CEP63: variants seen among roughly 807,000 people sequenced by gnomAD.
CEP63 encodes centrosomal protein 63, also known as centrosomal protein of 63 kDa.
A neutral mutation model predicts 89.1 loss-of-function variants in CEP63; 84 were observed. The ratio of observed to expected loss-of-function variants is 0.94; its 90% CI spans 0.79 to 1.13. The LOEUF (loss-of-function observed/expected upper bound fraction) is 1.13. CEP63 is among the 50% of genes most tolerant of loss of function. The pLI, the probability that CEP63 is intolerant of heterozygous loss-of-function variation, is 0.00. For missense variants in CEP63, 838 were observed against 813.3 expected (o/e 1.03, Z -0.37); for synonymous variants, 267 against 272.5 (o/e 0.98, Z 0.20).
At chr3:134,629,158 AC>A in the CEP63 span, among the ~76,000 whole-genome samples, 1 of 152,204 alleles carries the variant, frequency 6.6e-6, no homozygotes, top group Non-Finnish European at 1.5e-5. Context: ...TCAGAGTCAT[AC>A]CTGGGTTCTG....
the CEP63 span, among the ~76,000 whole-genome samples, chr3:134,676,593 G>A: frequency 1.3e-5 from 2 of 152,296 alleles, no homozygotes; most frequent in Middle Eastern, 3.4e-3. Flanking sequence ...TATGTGAACC[G>A]CATCTCAATT....
At chr3:134,518,543 G>A (rs1697476838) in intron 3 of CEP63, among the ~76,000 whole-genome samples, 1 of 152,138 alleles carries the variant, frequency 6.6e-6, no homozygotes, top group Admixed American at 6.5e-5. Context: ...AATAACCCAT[G>A]AATCAAAAGA....
At chr3:134,531,979 C>A in intron 4 of CEP63, 39 bp downstream of exon 4, 1 of 1,404,814 alleles carries the variant, frequency 7.1e-7, no homozygotes, top group South Asian at 1.2e-5. Flanking sequence ...GTGTGTAGTT[C>A]TCTCTCTTTC....
chr3:134,565,297 G>A (rs1394287604), downstream of CEP63, among the ~76,000 whole-genome samples: 1 of 152,124 alleles, frequency 6.6e-6, no homozygotes, highest in Non-Finnish European at 1.5e-5. Context: ...ATCTCAACAA[G>A]TGTAGAAAAA....
chr3:134,490,689 C>T (rs377105083), intron 1 of CEP63, among the ~76,000 whole-genome samples: 12 of 92,600 alleles, frequency 1.3e-4, no homozygotes, highest in African/African-American at 4.4e-4. Context: ...GCTTTCATCT[C>T]TGTTTCTTCC....
At chr3:134,565,904 C>A (rs969530438), downstream of CEP63, among the ~76,000 whole-genome samples, 10 of 152,084 alleles carry the variant, frequency 6.6e-5, no homozygotes, top group Non-Finnish European at 1.0e-4. Flanking sequence ...TAATAATAAT[C>A]TGCACAGCTC....
chr3:134,699,508 G>A, the CEP63 span, among the ~76,000 whole-genome samples: 1 of 152,232 alleles, frequency 6.6e-6, no homozygotes, highest in Non-Finnish European at 1.5e-5. Flanking sequence ...GTCAGGAGAG[G>A]CAGGGCTGAA....
chr3:134,679,777 C>A, the CEP63 span, among the ~76,000 whole-genome samples: 2 of 152,194 alleles, frequency 1.3e-5, no homozygotes, highest in Non-Finnish European at 2.9e-5. Flanking sequence ...GGCTGGAGTG[C>A]AGTGGTGCAA....
chr3:134,488,691 G>A (rs1489031229), intron 1 of CEP63, among the ~76,000 whole-genome samples: 1 of 152,128 alleles, frequency 6.6e-6, no homozygotes. Context: ...TACAAAATGT[G>A]TTATTTCCGC....
the CEP63 span, among the ~76,000 whole-genome samples, chr3:134,597,114 G>A: frequency 6.6e-6 from 1 of 152,184 alleles, no homozygotes; most frequent in Admixed American, 6.5e-5. Flanking sequence ...GGCCAGAGTG[G>A]GGGTCTAGTC....
intron 1 of CEP63, among the ~76,000 whole-genome samples, chr3:134,493,174 G>A (rs1261705872): frequency 1.3e-5 from 2 of 152,140 alleles, no homozygotes; most frequent in African/African-American, 2.4e-5. Flanking sequence ...TTAAGTATCC[G>A]TGTATGGTTG....
intron 11 of CEP63, among the ~76,000 whole-genome samples, chr3:134,570,729 C>A (rs908724289): frequency 2.0e-5 from 3 of 152,214 alleles, no homozygotes; most frequent in African/African-American, 7.2e-5. Flanking sequence ...TTCAGCAACA[C>A]CCCACTCTAC....
At chr3:134,731,061 A>G in the CEP63 span, among the ~76,000 whole-genome samples, 1 of 152,206 alleles carries the variant, frequency 6.6e-6, no homozygotes, top group Admixed American at 6.5e-5. Context: ...TCAATTTACT[A>G]GAAAGAGATA....
At chr3:134,599,511 G>A in the CEP63 span, among the ~76,000 whole-genome samples, 7 of 152,208 alleles carry the variant, frequency 4.6e-5, no homozygotes, top group South Asian at 1.2e-3. Flanking sequence ...TTAGGTGACC[G>A]GCTGGAAAGT....
At chr3:134,489,158 CAAAAAAAAAAAA>C (rs765548189) in intron 1 of CEP63, among the ~76,000 whole-genome samples, 7 of 60,724 alleles carry the variant, frequency 1.2e-4, no homozygotes, top group African/African-American at 3.7e-4. Context: ...GAGACTGTCT[CAAAAAAAAAAAA>C]AAAAAAAAAA....
At chr3:134,647,554 C>A in the CEP63 span, 1 of 1,034,414 alleles carries the variant, frequency 9.7e-7, no homozygotes. Context: ...AGTGATGTAC[C>A]AGTTGCAGAC....
the CEP63 span, among the ~76,000 whole-genome samples, chr3:134,780,964 A>G: frequency 1.6e-4 from 24 of 152,226 alleles, no homozygotes; most frequent in Non-Finnish European, 3.5e-4. Context: ...TGTGTGAGAA[A>G]GGAATCAAAT....
intron 6 of CEP63, among the ~76,000 whole-genome samples, chr3:134,543,074 G>A (rs931557087): frequency 2.0e-5 from 3 of 152,096 alleles, no homozygotes; most frequent in African/African-American, 7.2e-5. Context: ...AAGTGTTCTT[G>A]AGATTAGTGT....
intron 14 of CEP63, 35 bp downstream of exon 14, chr3:134,559,464 T>A: frequency 6.3e-7 from 1 of 1,579,932 alleles, no homozygotes. Context: ...AATTTGTTAG[T>A]TTTTTAAGTT....
Sources: gnomAD v4.1 joint callset for allele counts (sites outside exome capture counted in the v4.1 genomes callset) on GRCh38, gnomAD v4.1.1 for gene constraint, MANE v1.5 for transcripts, NCBI Gene and HGNC (gene_info 2026-07-23, HGNC 2026-07-21) for gene names.